Variants in PLCE1 observed in about 807,000 individuals in gnomAD.
PLCE1 encodes the protein phospholipase C epsilon 1, also known as 1-phosphatidylinositol 4,5-bisphosphate phosphodiesterase epsilon-1.
A neutral mutation model predicts 242.8 loss-of-function variants in PLCE1; 119 were observed. That is an observed-to-expected ratio of 0.49 (90% CI 0.42 to 0.57). The LOEUF is 0.57. Among genes scored for constraint, PLCE1 ranks in the 20% least tolerant of loss-of-function variants. PLCE1 has a pLI of 0.00. For missense variants in PLCE1, 2,441 were observed against 2,788.8 expected (o/e 0.88, Z 2.81); for synonymous variants, 945 against 1,017.4 (o/e 0.93, Z 1.35).
intron 2 of PLCE1, among the ~76,000 whole-genome samples, chr10:94,056,379 A>T (rs1222375822): frequency 1.3e-5 from 2 of 152,214 alleles, no homozygotes; most frequent in Non-Finnish European, 2.9e-5. Context: ...AACTAACAGT[A>T]TAATTGTGTA....
intron 8 of PLCE1, among the ~76,000 whole-genome samples, chr10:94,251,645 G>A (rs1239289893): frequency 1.3e-5 from 2 of 152,170 alleles, no homozygotes; most frequent in Non-Finnish European, 2.9e-5. Context: ...GCTACACAGA[G>A]TTGCCTTAGA....
rs112532513 is a variant in PLCE1, at chr10:94,253,278, A to G, written c.3279+780A>G. 2.0e-3 allele frequency among the ~76,000 whole-genome samples: 312 copies of G among 152,320 alleles called. 1 individual carries two copies. The highest frequency in any genetic ancestry group is 7.2e-3 in the African/African-American group (298 of 41,582). On this transcript the variant is annotated intron_variant, in intron 9 of 32. Transcript: ENST00000371380. ...TGACAGCCTCCGGAAGCTTACAGTC[A>G]TGGCAGAAGGTGAAGCGGGAGCCAG...
rs2049686957 is a variant in PLCE1 at position 94,220,376 on chromosome 10, T to TATA, written c.1810-6930_1810-6929insATA. 1.6e-3 allele frequency among the ~76,000 whole-genome samples: 102 copies of TATA among 61,896 alleles called. 1 individual carries two copies. The highest frequency in any genetic ancestry group is 4.1e-3 in the African/African-American group (66 of 15,976). 40.6% of individuals were successfully genotyped at this position (61,896 alleles called of 152,430 possible). A position where few individuals can be genotyped will look rare whatever the true frequency, so the allele number is the denominator to read the frequency against. ...AATAAAAGCTTAAAAACTAAACATT[T>TATA]TATATATATATATATATATATATAT... is the stretch of plus-strand genomic sequence containing the variant. On this transcript the variant is annotated intron_variant, in intron 4 of 32. Coordinates refer to ENST00000371380, the MANE Select transcript of PLCE1 (RefSeq NM_016341.4).
chr10:94,207,832 A>C (rs1014995847), intron 4 of PLCE1, among the ~76,000 whole-genome samples: 3 of 152,218 alleles, frequency 2.0e-5, no homozygotes, highest in Admixed American at 6.5e-5. Context: ...GGATCATTTG[A>C]GCTTCAAAAT....
intron 4 of PLCE1, among the ~76,000 whole-genome samples, chr10:94,183,159 T>G (rs1361776867): frequency 6.6e-6 from 1 of 152,170 alleles, no homozygotes; most frequent in Non-Finnish European, 1.5e-5. Flanking sequence ...AAAAACCACT[T>G]TTAGAGATTT....
At chr10:94,198,670 T>G (rs1271950969) in intron 4 of PLCE1, among the ~76,000 whole-genome samples, 1 of 152,230 alleles carries the variant, frequency 6.6e-6, no homozygotes, top group Non-Finnish European at 1.5e-5. Flanking sequence ...TTTATCCTTT[T>G]GCCTTTGACA....
chr10:94,235,123 A>G (rs1166274056), intron 6 of PLCE1, among the ~76,000 whole-genome samples: 2 of 146,758 alleles, frequency 1.4e-5, no homozygotes, highest in African/African-American at 5.2e-5. Flanking sequence ...TGCCTTCTCC[A>G]TGGAGTGGGA....
intron 4 of PLCE1, among the ~76,000 whole-genome samples, chr10:94,226,831 C>CTCTTT (rs67656949): frequency 0.15 from 15,473 of 101,606 alleles, 2,371 homozygotes; most frequent in East Asian, 0.21. Flanking sequence ...ACCTATAGGT[C>CTCTTT]TTTTTTTTTT....
At chr10:94,292,499 CA>C (rs2052676217) in intron 22 of PLCE1, among the ~76,000 whole-genome samples, 1 of 152,300 alleles carries the variant, frequency 6.6e-6, no homozygotes, top group Non-Finnish European at 1.5e-5. Context: ...AAGGGATATT[CA>C]GCCTGTATAT....
chr10:94,268,900 T>A, intron 16 of PLCE1, 29 bp from the exon 17 acceptor site: 1 of 1,307,924 alleles, frequency 7.6e-7, no homozygotes, highest in Non-Finnish European at 1.1e-6. Context: ...GGTGCTCACC[T>A]GGGGTGGATT....
At chr10:94,117,125 C>G (rs1201377947) in intron 2 of PLCE1, among the ~76,000 whole-genome samples, 2 of 152,202 alleles carry the variant, frequency 1.3e-5, no homozygotes, top group East Asian at 3.9e-4. Flanking sequence ...CCCATCCTCT[C>G]TCCTTCACTC....
At chr10:94,124,998 A>G (rs2046398226) in intron 2 of PLCE1, among the ~76,000 whole-genome samples, 1 of 152,218 alleles carries the variant, frequency 6.6e-6, no homozygotes, top group Admixed American at 6.5e-5. Context: ...TGACAGTAGA[A>G]TGTCGCCTGT....
intron 5 of PLCE1, among the ~76,000 whole-genome samples, chr10:94,232,598 C>T (rs2050182432): frequency 2.0e-5 from 3 of 152,116 alleles, no homozygotes; most frequent in Non-Finnish European, 4.4e-5. Context: ...TTTTTTCCAT[C>T]TCCCCACTGC....
At chr10:94,148,505 G>A (rs1322526520) in intron 3 of PLCE1, among the ~76,000 whole-genome samples, 5 of 152,074 alleles carry the variant, frequency 3.3e-5, no homozygotes, top group African/African-American at 1.2e-4. Context: ...AAGGTGTATC[G>A]GCCACAATCA....
rs1230927854 is a variant in PLCE1, at chr10:94,328,372, CTT to C, written c.*431_*432del. Reference sequence around the variant, plus strand: ...CGAACGTGGCTGTATTCCAATAAAACTTTATTTATGGACACTGAAATTGGAAT... The same window carrying C: ...CGAACGTGGCTGTATTCCAATAAAACTATTTATGGACACTGAAATTGGAAT... On this transcript the variant is annotated 3_prime_UTR_variant, in exon 33 of 33. Coordinates refer to ENST00000371380, the MANE Select transcript of PLCE1 (RefSeq NM_016341.4). 1 of 153,438 alleles carries C rather than the reference CTT, an allele frequency of 6.5e-6. No homozygotes were observed. Among genetic ancestry groups the C allele is most frequent in the African/African-American group, 2.4e-5 (1 of 41,476 alleles). The allele number at this position is 153,438 out of a possible 1,614,324, so 9.5% of individuals were successfully genotyped here. A position where few individuals can be genotyped will look rare whatever the true frequency, so the allele number is the denominator to read the frequency against.
At chr10:94,284,038 C>A in intron 21 of PLCE1, 127 bp downstream of exon 21, 2 of 1,111,962 alleles carry the variant, frequency 1.8e-6, no homozygotes, top group Non-Finnish European at 2.7e-6. Flanking sequence ...AGATACCTGC[C>A]AAAGTTCACT....
At chr10:94,135,677 C>T (rs1464021095) in intron 3 of PLCE1, among the ~76,000 whole-genome samples, 1 of 152,096 alleles carries the variant, frequency 6.6e-6, no homozygotes, top group African/African-American at 2.4e-5. Context: ...GCACATTTCC[C>T]ACGAAATAAA....
At chr10:94,254,859 G>T in intron 10 of PLCE1, 34 bp from the exon 11 acceptor site, 1 of 1,610,572 alleles carries the variant, frequency 6.2e-7, no homozygotes, top group East Asian at 2.2e-5. Flanking sequence ...TATAATCTGA[G>T]TCATTCTCTC....
In PLCE1 at chr10:94,171,501, G is replaced by C; in HGVS notation, c.1809+5G>C. 1 of 1,611,584 alleles carries C rather than the reference G, an allele frequency of 6.2e-7. No homozygotes were observed. The highest frequency in any genetic ancestry group is 8.5e-7 in the Non-Finnish European group (1 of 1,177,686). On this transcript the variant is annotated splice_donor_5th_base_variant and intron_variant, in intron 4 of 32. Coordinates refer to ENST00000371380, the MANE Select transcript of PLCE1 (RefSeq NM_016341.4). ...CTGGTGATGAGGTTTAATGAGGTAA[G>C]AAGCCACTTTTTGATGTCTTGGTAT...
Sources: gnomAD v4.1 joint callset for allele counts (sites outside exome capture counted in the v4.1 genomes callset) on GRCh38, gnomAD v4.1.1 for gene constraint, MANE v1.5 for transcripts, NCBI Gene and HGNC (gene_info 2026-07-23, HGNC 2026-07-21) for gene names.